Variants in SH3D19 observed in about 807,000 individuals in gnomAD.
SH3D19 encodes the protein SH3 domain containing 19.
A neutral mutation model predicts 112.1 loss-of-function variants in SH3D19; 58 were observed. The ratio of observed to expected loss-of-function variants is 0.52; its 90% CI spans 0.42 to 0.64. The LOEUF (loss-of-function observed/expected upper bound fraction) is 0.64. Among genes scored for constraint, SH3D19 ranks in the 30% least tolerant of loss-of-function variants. The probability of loss-of-function intolerance (pLI) is 0.00; values close to 1 mark genes in which losing one functional copy is unlikely to be tolerated. For missense variants in SH3D19, 1,090 were observed against 1,263.4 expected, an observed-to-expected ratio of 0.86 and a Z score of 2.08; for synonymous variants, 391 against 448.5, an observed-to-expected ratio of 0.87 and a Z score of 1.62.
At chr4:151,178,805 A>G (rs529319841) in intron 4 of SH3D19, among the ~76,000 whole-genome samples, 36 of 152,218 alleles carry the variant, frequency 2.4e-4, no homozygotes, top group African/African-American at 8.4e-4. Context: ...AAAAAAATCT[A>G]TCCATCCATT....
chr4:151,283,765 C>A (rs1409317548), intron 1 of SH3D19, among the ~76,000 whole-genome samples: 1 of 152,046 alleles, frequency 6.6e-6, no homozygotes, highest in Non-Finnish European at 1.5e-5. Flanking sequence ...CTCAAGCAAT[C>A]CTTCCTCCTT....
chr4:151,250,314 A>T (rs1174129451), intron 1 of SH3D19, among the ~76,000 whole-genome samples: 1 of 152,216 alleles, frequency 6.6e-6, no homozygotes, highest in African/African-American at 2.4e-5. Flanking sequence ...AAAGAACAGT[A>T]ATCAGGTCGG....
At chr4:151,234,920 C>A (rs1769921555) in intron 1 of SH3D19, among the ~76,000 whole-genome samples, 1 of 151,540 alleles carries the variant, frequency 6.6e-6, no homozygotes, top group Non-Finnish European at 1.5e-5. Context: ...ATTAAAAAAA[C>A]TTTTTTTCTT....
At chr4:151,254,916 A>C (rs1465774515) in intron 1 of SH3D19, among the ~76,000 whole-genome samples, 1 of 142,452 alleles carries the variant, frequency 7.0e-6, no homozygotes, top group Admixed American at 7.0e-5. Context: ...GGCGCCCCTC[A>C]CCTCCCGGGA....
At chr4:151,198,762 T>C (rs1763957247) in intron 2 of SH3D19, among the ~76,000 whole-genome samples, 2 of 152,190 alleles carry the variant, frequency 1.3e-5, no homozygotes, top group South Asian at 4.1e-4. Flanking sequence ...AAAAACATTT[T>C]AAACACTCAT....
At chr4:151,139,903 T>C in intron 12 of SH3D19, 56 bp from the exon 13 acceptor site, 2 of 1,568,706 alleles carry the variant, frequency 1.3e-6, no homozygotes, top group South Asian at 1.1e-5. Context: ...GTGGATTTAT[T>C]ATTCACTCTG....
At chr4:151,191,071 C>A (rs1762546087) in intron 2 of SH3D19, among the ~76,000 whole-genome samples, 1 of 152,212 alleles carries the variant, frequency 6.6e-6, no homozygotes, top group African/African-American at 2.4e-5. Flanking sequence ...CGTTTTGGAG[C>A]TTTAAGATTT....
In SH3D19 at chr4:151,193,837, C is replaced by G. The variant is rs539654463; in HGVS notation, c.153-6374G>C. On this transcript the variant is annotated intron_variant, in intron 2 of 19. Coordinates refer to ENST00000604030, the MANE Select transcript of SH3D19 (RefSeq NM_001378122.1). ...CTGATGTATAATTGTGTTCAATGGA[C>G]ACCTATTGAAGGAACCAAGGAATTA... is the stretch of plus-strand genomic sequence containing the variant. Among the ~76,000 whole-genome samples the G allele has an allele frequency of 2.0e-5, 3 of 152,200 alleles. No individual in the cohort carries two copies. The South Asian group carries it at 6.2e-4, about 32-fold the overall frequency.
At chr4:151,149,642 G>A in intron 9 of SH3D19, 81 bp from the exon 10 acceptor site, 1 of 1,260,858 alleles carries the variant, frequency 7.9e-7, no homozygotes. Context: ...GCAACCTTTT[G>A]GCTGGATCTA....
chr4:151,132,501 C>T lies in SH3D19; in HGVS notation c.2690-118G>A, dbSNP rs988914140. On this transcript the variant is annotated intron_variant, in intron 16 of 19. Transcript: ENST00000604030. ...GAGTGAAGACTCTGGGATTCCACTC[C>T]GGTCTCTTCATGTATTGTCTATGTT... 56 of 809,034 alleles carry T rather than the reference C, an allele frequency of 6.9e-5. 1 individual carries two copies. The highest frequency in any genetic ancestry group is 6.2e-4 in the African/African-American group (36 of 58,342). 50.1% of individuals were successfully genotyped at this position (809,034 alleles called of 1,614,324 possible).
At chr4:151,257,449 CCA>C (rs1772017410) in intron 1 of SH3D19, among the ~76,000 whole-genome samples, 1 of 152,042 alleles carries the variant, frequency 6.6e-6, no homozygotes, top group South Asian at 2.1e-4. Context: ...ATAATCTTCC[CCA>C]GTTTTTTCTA....
At chr4:151,310,929 C>T (rs149953847) in intron 1 of SH3D19, among the ~76,000 whole-genome samples, 1 of 151,094 alleles carries the variant, frequency 6.6e-6, no homozygotes, top group East Asian at 2.0e-4. Context: ...CAGCATTATT[C>T]ACAATAGCCA....
chr4:151,149,564 G>C lies in SH3D19; in HGVS notation c.1756-3C>G, dbSNP rs1282765950. On this transcript the variant is annotated splice_polypyrimidine_tract_variant and splice_region_variant and intron_variant, in intron 9 of 19. Transcript: ENST00000604030. ...GTTTGACCTGGGTGGTTGGATTCCT[G>C]CAAGTAGCAGAGAATGCTTTTTAGT... is the stretch of plus-strand genomic sequence containing the variant. The C allele has an allele frequency of 6.2e-7, 1 of 1,610,530 alleles. No individual in the cohort carries two copies. Among genetic ancestry groups the C allele is most frequent in the African/African-American group, 1.3e-5 (1 of 74,856 alleles).
chr4:151,237,731 T>C (rs567759902), intron 1 of SH3D19, among the ~76,000 whole-genome samples: 1 of 152,350 alleles, frequency 6.6e-6, no homozygotes, highest in South Asian at 2.1e-4. Context: ...ACTATTATGA[T>C]AATAGTATCA....
chr4:151,277,298 T>A, intron 1 of SH3D19: 2 of 1,209,556 alleles, frequency 1.7e-6, no homozygotes, highest in Non-Finnish European at 2.2e-6. Context: ...TAGAACAATG[T>A]GACACTTCAC....
intron 1 of SH3D19, among the ~76,000 whole-genome samples, chr4:151,318,255 C>G (rs201141511): frequency 1.5e-5 from 2 of 135,402 alleles, no homozygotes; most frequent in Non-Finnish European, 3.1e-5. Flanking sequence ...GAGCCAAGAT[C>G]GCGCCACTGC....
At chr4:151,205,523 T>TA (rs1271056452) in intron 2 of SH3D19, among the ~76,000 whole-genome samples, 8 of 152,168 alleles carry the variant, frequency 5.3e-5, no homozygotes. Flanking sequence ...ACTCCATGAG[T>TA]ATAATCACAT....
At chr4:151,321,287 G>C (rs1730504572) in intron 1 of SH3D19, among the ~76,000 whole-genome samples, 1 of 152,038 alleles carries the variant, frequency 6.6e-6, no homozygotes, top group Admixed American at 6.6e-5. Context: ...GAAAAGTCCT[G>C]GGAAACTGGG....
At chr4:151,228,261 TATAAA>T (rs1352587543) in intron 1 of SH3D19, among the ~76,000 whole-genome samples, 2 of 152,180 alleles carry the variant, frequency 1.3e-5, no homozygotes, top group Admixed American at 6.5e-5. Flanking sequence ...ACGCAGTACT[TATAAA>T]ATGTTACTCC....
Sources: allele counts gnomAD v4.1 joint callset (sites outside exome capture counted in the v4.1 genomes callset), GRCh38; gene constraint gnomAD v4.1.1; transcripts MANE v1.5; gene names NCBI Gene and HGNC (gene_info 2026-07-23, HGNC 2026-07-21).